SPRED2: variants seen among roughly 807,000 people sequenced by gnomAD.
SPRED2 encodes the protein sprouty related EVH1 domain containing 2.
SPRED2 carries 47 observed loss-of-function variants against 43.0 expected under a neutral mutation model. The ratio of observed to expected loss-of-function variants is 1.09; its 90% CI spans 0.87 to 1.40. SPRED2 has a LOEUF of 1.40. SPRED2 is among the 40% of genes most tolerant of loss of function. The pLI, the probability that SPRED2 is intolerant of heterozygous loss-of-function variation, is 0.00. For missense variants in SPRED2, 561 were observed against 586.4 expected (o/e 0.96, Z 0.45); for synonymous variants, 225 against 225.7 (o/e 1.00, Z 0.03).
intron 1 of SPRED2, among the ~76,000 whole-genome samples, chr2:65,394,783 G>T (rs528153799): frequency 2.6e-5 from 4 of 152,250 alleles, no homozygotes; most frequent in African/African-American, 9.6e-5. Context: ...GCGCAGGGAG[G>T]GTTGAATGCA....
intron 1 of SPRED2, among the ~76,000 whole-genome samples, chr2:65,366,366 G>A (rs2104330269): frequency 6.6e-6 from 1 of 152,232 alleles, no homozygotes; most frequent in East Asian, 1.9e-4. Context: ...TTTGTTTTCA[G>A]AAAGAGGCAT....
intron 3 of SPRED2, chr2:65,334,325 C>A: frequency 1.9e-6 from 1 of 532,284 alleles, no homozygotes; most frequent in South Asian, 1.6e-5. Flanking sequence ...TGAAAGCAGT[C>A]AAAAATACAT....
At chr2:65,412,370 G>A (rs1676182174) in intron 1 of SPRED2, among the ~76,000 whole-genome samples, 1 of 152,142 alleles carries the variant, frequency 6.6e-6, no homozygotes, top group Non-Finnish European at 1.5e-5. Flanking sequence ...AAGAAAAAAT[G>A]ATTTTGAAAC....
At position 65,371,266 on chromosome 2, in the gene SPRED2, C is replaced by G. The variant is rs189120797; in HGVS notation, c.27-26370G>C. The stretch of plus-strand genomic sequence containing the variant: ...TTAATGGATAATGCAGTTGAAGGAA[C>G]TCCTGGGACTGGTCTCTGGGAGGGG... On this transcript the variant is annotated intron_variant, in intron 1 of 5. Coordinates refer to ENST00000356388, the MANE Select transcript of SPRED2 (RefSeq NM_181784.3). Among the ~76,000 whole-genome samples, 3 of 152,234 alleles carry G rather than the reference C, an allele frequency of 2.0e-5. No individual in the cohort carries two copies. The East Asian group carries it at 5.8e-4, about 29-fold the overall frequency.
At chr2:65,363,598 G>A (rs1016968788) in intron 1 of SPRED2, among the ~76,000 whole-genome samples, 6 of 152,174 alleles carry the variant, frequency 3.9e-5, no homozygotes, top group African/African-American at 1.4e-4. Flanking sequence ...ATGTGGGGAG[G>A]ACAATATCAC....
intron 1 of SPRED2, among the ~76,000 whole-genome samples, chr2:65,359,374 T>G (rs951212311): frequency 6.6e-6 from 1 of 152,170 alleles, no homozygotes; most frequent in East Asian, 1.9e-4. Context: ...CTTAAAATAT[T>G]TTTTCATTTA....
chr2:65,311,069 T>C lies in SPRED2; in HGVS notation c.*2432A>G. The C allele has an allele frequency of 1.0e-6, 1 of 985,664 alleles. No individual in the cohort carries two copies. The highest frequency in any genetic ancestry group is 1.2e-6 in the Non-Finnish European group (1 of 829,792). The allele number at this position is 985,664 out of a possible 1,614,324, so 61.1% of individuals were successfully genotyped here. ...AGAATGAATTATGCTTCAGGCACTTTAATTTGTTAATGTGAGCAAATAGCT... is the reference window on the plus strand; with the variant it reads ...AGAATGAATTATGCTTCAGGCACTTCAATTTGTTAATGTGAGCAAATAGCT... On this transcript the variant is annotated 3_prime_UTR_variant, in exon 6 of 6. Coordinates refer to ENST00000356388, the MANE Select transcript of SPRED2 (RefSeq NM_181784.3).
chr2:65,401,935 G>GCGCGCGCA (rs1553426609), intron 1 of SPRED2, among the ~76,000 whole-genome samples: 112 of 89,378 alleles, frequency 1.3e-3, no homozygotes, highest in African/African-American at 3.9e-3. Context: ...TAGCGCGCGC[G>GCGCGCGCA]CGCACACACA....
At chr2:65,408,434 C>A (rs1676075080) in intron 1 of SPRED2, among the ~76,000 whole-genome samples, 1 of 152,136 alleles carries the variant, frequency 6.6e-6, no homozygotes, top group Non-Finnish European at 1.5e-5. Context: ...GCCACAGATT[C>A]CTGTAGGAAT....
intron 1 of SPRED2, among the ~76,000 whole-genome samples, chr2:65,357,787 G>C (rs558968651): frequency 4.6e-5 from 7 of 152,294 alleles, no homozygotes; most frequent in African/African-American, 1.4e-4. Flanking sequence ...TTTTGGATCT[G>C]TTGTAATGAG....
chr2:65,388,699 T>C (rs963442188), intron 1 of SPRED2, among the ~76,000 whole-genome samples: 5 of 151,638 alleles, frequency 3.3e-5, no homozygotes, highest in Non-Finnish European at 7.4e-5. Flanking sequence ...AAGCAATTTT[T>C]CCCCAAAACA....
intron 3 of SPRED2, among the ~76,000 whole-genome samples, chr2:65,333,039 C>T (rs890197690): frequency 5.9e-4 from 90 of 151,916 alleles, no homozygotes; most frequent in African/African-American, 1.9e-3. Context: ...AGGCTGAGGC[C>T]GGCAGATCAC....
chr2:65,349,079 C>T (rs1160839114), intron 1 of SPRED2, among the ~76,000 whole-genome samples: 4 of 152,084 alleles, frequency 2.6e-5, no homozygotes, highest in African/African-American at 4.8e-5. Flanking sequence ...GAGGCTGAGG[C>T]GGCCGGATCA....
At chr2:65,308,473 A>G (rs1158172247), downstream of SPRED2, 4 of 985,346 alleles carry the variant, frequency 4.1e-6, no homozygotes, top group African/African-American at 7.0e-5. Context: ...CTCAACACAC[A>G]GGATGTAGAT....
At chr2:65,347,128 C>A (rs1302983015) in intron 1 of SPRED2, among the ~76,000 whole-genome samples, 1 of 152,170 alleles carries the variant, frequency 6.6e-6, no homozygotes, top group African/African-American at 2.4e-5. Flanking sequence ...TCCCTCCAGA[C>A]TCCAATAATT....
chr2:65,432,272 T>C lies in SPRED2; in HGVS notation c.-285A>G. The C allele has an allele frequency of 2.9e-6, 1 of 349,902 alleles. No homozygotes were observed. Among genetic ancestry groups the C allele is most frequent in the East Asian group, 5.3e-5 (1 of 18,926 alleles). The allele number at this position is 349,902 out of a possible 1,614,324, so 21.7% of individuals were successfully genotyped here. On this transcript the variant is annotated 5_prime_UTR_variant, in exon 1 of 6. Transcript: ENST00000356388. ...GGGAGCGGGCAGAGGGGGCGAGATT[T>C]GGGAAGGGGACGGCGGTGGGGGAGA...
intron 1 of SPRED2, among the ~76,000 whole-genome samples, chr2:65,377,439 C>G (rs1193958124): frequency 6.6e-6 from 1 of 152,164 alleles, no homozygotes; most frequent in Non-Finnish European, 1.5e-5. Flanking sequence ...TTAGGCTGCC[C>G]ATTCTCCATC....
intron 1 of SPRED2, among the ~76,000 whole-genome samples, chr2:65,430,677 G>A (rs1676656448): frequency 6.6e-6 from 1 of 152,058 alleles, no homozygotes; most frequent in African/African-American, 2.4e-5. Flanking sequence ...GCAAAGACGC[G>A]CGCGGGGCCT....
intron 2 of SPRED2, among the ~76,000 whole-genome samples, chr2:65,338,680 C>T (rs1157082791): frequency 1.1e-4 from 16 of 151,686 alleles, no homozygotes; most frequent in Non-Finnish European, 1.0e-4. Context: ...TGCCTTGGCC[C>T]CCCAAAGTGC....
Sources: allele counts gnomAD v4.1 joint callset (sites outside exome capture counted in the v4.1 genomes callset), GRCh38; gene constraint gnomAD v4.1.1; transcripts MANE v1.5; gene names NCBI Gene and HGNC (gene_info 2026-07-23, HGNC 2026-07-21).